Variants in RALYL observed in about 807,000 individuals in gnomAD.
RALYL encodes the protein RALY RNA binding protein like.
A neutral mutation model predicts 35.1 loss-of-function variants in RALYL; 29 were observed. That is an observed-to-expected ratio of 0.83 (90% CI 0.61 to 1.13). The LOEUF is 1.13. Ranked by LOEUF, RALYL falls within the 50% of genes most tolerant of loss-of-function variation. RALYL has a pLI of 0.00. For synonymous variants in RALYL, 120 were observed against 127.6 expected, an observed-to-expected ratio of 0.94 and a Z score of 0.40; for missense variants, 359 against 360.4, an observed-to-expected ratio of 1.00 and a Z score of 0.03.
At chr8:84,469,706 G>A (rs942561255) in intron 1 of RALYL, among the ~76,000 whole-genome samples, 1 of 152,218 alleles carries the variant, frequency 6.6e-6, no homozygotes, top group Non-Finnish European at 1.5e-5. Context: ...ACCTAAGCAA[G>A]CCTGGGCAAT....
At chr8:84,550,263 C>T (rs2060627502) in intron 2 of RALYL, among the ~76,000 whole-genome samples, 1 of 152,058 alleles carries the variant, frequency 6.6e-6, no homozygotes, top group Admixed American at 6.6e-5. Context: ...CCTTTAGCTT[C>T]ACTTTCAACA....
chr8:84,472,401 A>T (rs528610261), intron 1 of RALYL, among the ~76,000 whole-genome samples: 1 of 152,162 alleles, frequency 6.6e-6, no homozygotes, highest in African/African-American at 2.4e-5. Context: ...TCTCTGAGAG[A>T]TGGAGGAAGA....
chr8:84,617,966 C>T (rs1271491034), intron 2 of RALYL, among the ~76,000 whole-genome samples: 20 of 151,746 alleles, frequency 1.3e-4, no homozygotes, highest in African/African-American at 3.2e-4. Context: ...GTGGATAAGC[C>T]TTTTGATGTG....
In RALYL at chr8:84,657,632, G is replaced by A. The variant is rs185090727; in HGVS notation, c.257-116947G>A. Among the ~76,000 whole-genome samples, 27 of 152,280 alleles carry A rather than the reference G, an allele frequency of 1.8e-4. No homozygotes were observed. In the East Asian group the frequency reaches 4.8e-3, roughly 27 times the overall value. ...TAAAACTTTGGTGGAAGAAAGTCGAGTGAAAAAACAAATCAGAGAAAGAAC... is the reference window on the plus strand; with the variant it reads ...TAAAACTTTGGTGGAAGAAAGTCGAATGAAAAAACAAATCAGAGAAAGAAC... On this transcript the variant is annotated intron_variant, in intron 2 of 8. Coordinates refer to ENST00000521268, the MANE Select transcript of RALYL (RefSeq NM_173848.7).
intron 2 of RALYL, among the ~76,000 whole-genome samples, chr8:84,533,487 G>A (rs1475344435): frequency 6.6e-6 from 1 of 152,132 alleles, no homozygotes; most frequent in Non-Finnish European, 1.5e-5. Context: ...CATTTGCAAT[G>A]TCTTTCTTTA....
chr8:84,306,255 A>T (rs1772751824), intron 1 of RALYL, among the ~76,000 whole-genome samples: 1 of 152,132 alleles, frequency 6.6e-6, no homozygotes, highest in African/African-American at 2.4e-5. Flanking sequence ...TGACTATAAC[A>T]AATTGGGTTC....
intron 1 of RALYL, among the ~76,000 whole-genome samples, chr8:84,511,508 T>C (rs2057619676): frequency 6.6e-6 from 1 of 152,186 alleles, no homozygotes; most frequent in African/African-American, 2.4e-5. Flanking sequence ...ATTCAGGGTA[T>C]TTAGAATATC....
At chr8:84,416,286 C>T (rs1440296457) in intron 1 of RALYL, among the ~76,000 whole-genome samples, 1 of 152,210 alleles carries the variant, frequency 6.6e-6, no homozygotes, top group Non-Finnish European at 1.5e-5. Context: ...CTGGTCAAGA[C>T]AGACATTAAA....
At chr8:84,731,412 G>C (rs188754496) in intron 2 of RALYL, among the ~76,000 whole-genome samples, 2 of 152,194 alleles carry the variant, frequency 1.3e-5, no homozygotes, top group Admixed American at 1.3e-4. Flanking sequence ...CCTCTATTTT[G>C]GGGTACAGAG....
chr8:84,683,914 G>A (rs906987842), intron 2 of RALYL, among the ~76,000 whole-genome samples: 8 of 152,084 alleles, frequency 5.3e-5, no homozygotes, highest in African/African-American at 9.7e-5. Flanking sequence ...TCGAACTCCC[G>A]ATCAGGAACT....
intron 1 of RALYL, among the ~76,000 whole-genome samples, chr8:84,369,598 A>G (rs1300770332): frequency 6.6e-6 from 1 of 152,184 alleles, no homozygotes; most frequent in African/African-American, 2.4e-5. Context: ...CCCTTTAATC[A>G]TTGGCTTTAC....
At chr8:84,477,501 A>G (rs909912806) in intron 1 of RALYL, among the ~76,000 whole-genome samples, 18 of 149,642 alleles carry the variant, frequency 1.2e-4, no homozygotes, top group Non-Finnish European at 1.6e-4. Context: ...ATATACATTC[A>G]ATATATATAT....
intron 1 of RALYL, among the ~76,000 whole-genome samples, chr8:84,244,601 T>A (rs994136138): frequency 2.0e-5 from 3 of 152,208 alleles, no homozygotes; most frequent in African/African-American, 7.2e-5. Context: ...GCACTATTTC[T>A]TTTTGTCAGG....
intron 4 of RALYL, among the ~76,000 whole-genome samples, chr8:84,805,887 G>A (rs1824475067): frequency 6.6e-6 from 1 of 152,080 alleles, no homozygotes; most frequent in Non-Finnish European, 1.5e-5. Context: ...TGAAAAAGTT[G>A]TGAAAAATGC....
intron 1 of RALYL, among the ~76,000 whole-genome samples, chr8:84,380,826 C>T (rs1324314449): frequency 6.6e-6 from 1 of 151,828 alleles, no homozygotes; most frequent in Admixed American, 6.6e-5. Flanking sequence ...GAAGTTTCTA[C>T]CTGCCTTGTG....
intron 4 of RALYL, among the ~76,000 whole-genome samples, chr8:84,844,541 C>T (rs537707974): frequency 6.6e-6 from 1 of 152,286 alleles, no homozygotes; most frequent in African/African-American, 2.4e-5. Flanking sequence ...CTAGTTCGAC[C>T]ATTGTGGAAG....
At chr8:84,524,816 G>A (rs2058747536) in intron 1 of RALYL, among the ~76,000 whole-genome samples, 1 of 151,790 alleles carries the variant, frequency 6.6e-6, no homozygotes, top group African/African-American at 2.4e-5. Context: ...TTTTAAATTA[G>A]TTATCATATG....
chr8:84,228,951 A>G (rs1298351230), intron 1 of RALYL, among the ~76,000 whole-genome samples: 1 of 152,176 alleles, frequency 6.6e-6, no homozygotes, highest in East Asian at 1.9e-4. Context: ...CATGGGTATT[A>G]TTACAATTCA....
At chr8:84,680,179 C>T (rs2131961672) in intron 2 of RALYL, among the ~76,000 whole-genome samples, 1 of 152,280 alleles carries the variant, frequency 6.6e-6, no homozygotes, top group Non-Finnish European at 1.5e-5. Context: ...AGGTCATGAA[C>T]TCATCTTTTT....
Sources: allele counts gnomAD v4.1 joint callset (sites outside exome capture counted in the v4.1 genomes callset), GRCh38; gene constraint gnomAD v4.1.1; transcripts MANE v1.5; gene names NCBI Gene and HGNC (gene_info 2026-07-23, HGNC 2026-07-21).